USP28: variants seen among roughly 807,000 people sequenced by gnomAD.
The protein encoded by USP28 is ubiquitin specific peptidase 28.
A neutral mutation model predicts 145.0 loss-of-function variants in USP28; 113 were observed. The observed-to-expected ratio is 0.78, with a 90% CI of 0.67 to 0.91. The LOEUF (loss-of-function observed/expected upper bound fraction) is 0.91, where lower values mean the gene tolerates loss of function less well. USP28 is among the 40% of genes least tolerant of loss of function. The pLI is 0.00. For missense variants in USP28, 1,201 were observed against 1,289.6 expected (o/e 0.93, Z 1.05); for synonymous variants, 447 against 450.9 (o/e 0.99, Z 0.11).
At chr11:113,830,892 A>G (rs377607286) in exon 9 of USP28, 34 of 1,613,988 alleles carry the variant, frequency 2.1e-5, no homozygotes, top group Admixed American at 3.3e-5. Flanking sequence ...CAGTCAGGAA[A>G]GTACCATAGA....
chr11:113,826,683 G>T (rs1356576739), intron 11 of USP28, among the ~76,000 whole-genome samples: 1 of 152,050 alleles, frequency 6.6e-6, no homozygotes, highest in South Asian at 2.1e-4. Flanking sequence ...ACTTTGGGAG[G>T]CCAAGGCAGG....
chr11:113,874,508 G>A, intron 1 of USP28: 1 of 1,286,538 alleles, frequency 7.8e-7, no homozygotes, highest in South Asian at 1.2e-5. Flanking sequence ...GGTATAAAAG[G>A]ATTCTCACCT....
chr11:113,816,714 C>T (rs1159502529), intron 13 of USP28, among the ~76,000 whole-genome samples: 6 of 152,018 alleles, frequency 3.9e-5, no homozygotes, highest in Admixed American at 3.9e-4. Flanking sequence ...ATACCAAGCA[C>T]TATTATTTTA....
rs143976162 is a variant in USP28, at chr11:113,872,598, C to G, written c.57+2847G>C. On this transcript the variant is annotated intron_variant, in intron 1 of 24. Transcript: ENST00000003302. ...AATCAGTTAATGAGACAAAAGGAAA[C>G]GAAAGGTCAATAAATCAAGAGAAAG... is the stretch of plus-strand genomic sequence containing the variant. Among the ~76,000 whole-genome samples the G allele has an allele frequency of 7.6e-4, 116 of 151,882 alleles. No individual in the cohort carries two copies. In the East Asian group the frequency reaches 0.016, roughly 20 times the overall value.
chr11:113,841,567 G>A (rs1945195932), intron 4 of USP28, 96 bp downstream of exon 4: 10 of 725,294 alleles, frequency 1.4e-5, no homozygotes, highest in Non-Finnish European at 1.8e-5. Context: ...TCATTCAGGT[G>A]CTTAACAGAA....
At position 113,852,446 on chromosome 11, in the gene USP28, T is replaced by C. The variant is rs1301235374; in HGVS notation, c.268+55A>G. 2.5e-6 allele frequency: 4 copies of C among 1,606,860 alleles called. No homozygotes were observed. In the East Asian group the frequency reaches 8.9e-5, roughly 36 times the overall value. The stretch of plus-strand genomic sequence containing the variant: ...TGACAGGGAACTCACATATACTTGG[T>C]TTGTTATTTTCTGCTAGTTCAGCAA... On this transcript the variant is annotated intron_variant, in intron 3 of 24. Coordinates refer to ENST00000003302, the Ensembl canonical transcript of USP28.
At chr11:113,826,371 C>T (rs1306490476) in intron 11 of USP28, among the ~76,000 whole-genome samples, 3 of 82,182 alleles carry the variant, frequency 3.7e-5, no homozygotes, top group Non-Finnish European at 6.5e-5. Context: ...TTTTTTGAGA[C>T]AGGGTCTCAC....
chr11:113,875,142 C>T (rs1333807650), intron 1 of USP28, among the ~76,000 whole-genome samples: 1 of 152,188 alleles, frequency 6.6e-6, no homozygotes, highest in East Asian at 1.9e-4. Context: ...CCCAGGAGGG[C>T]TCACCTTACT....
At chr11:113,874,679 A>G in intron 1 of USP28, 1 of 1,237,288 alleles carries the variant, frequency 8.1e-7, no homozygotes, top group Admixed American at 2.9e-5. Flanking sequence ...GTAACACTAG[A>G]AGACATGCTC....
In USP28 at chr11:113,874,673, C is replaced by T. The variant is rs569737116; in HGVS notation, c.57+772G>A. On this transcript the variant is annotated intron_variant, in intron 1 of 24. Coordinates refer to ENST00000003302, the Ensembl canonical transcript of USP28. Reference sequence around the variant, plus strand: ...GTTAAGTTATAACATTCCGAAGTAACACTAGAAGACATGCTCAAATTGCCC... The same window carrying T: ...GTTAAGTTATAACATTCCGAAGTAATACTAGAAGACATGCTCAAATTGCCC... The T allele has an allele frequency of 4.3e-5, 53 of 1,238,528 alleles. 1 individual carries two copies. In the South Asian group the frequency reaches 7.0e-4, roughly 16 times the overall value. The allele number at this position is 1,238,528 out of a possible 1,614,324, so 76.7% of individuals were successfully genotyped here.
intron 1 of USP28, 99 bp downstream of exon 1, chr11:113,875,346 G>A (rs1404692330): frequency 9.0e-6 from 9 of 1,004,720 alleles, no homozygotes; most frequent in Admixed American, 5.0e-5. Context: ...CGGCCGGGGC[G>A]CCCTCCGCAG....
intron 7 of USP28, 58 bp from the exon 8 acceptor site, chr11:113,832,051 T>G: frequency 1.5e-6 from 2 of 1,369,766 alleles, no homozygotes; most frequent in Non-Finnish European, 2.1e-6. Flanking sequence ...GAAATTAAAA[T>G]TTATCCTTAT....
rs987756499 is a variant in USP28, at chr11:113,812,207, C to G, written c.1972+69G>C. The G allele has an allele frequency of 7.5e-6, 9 of 1,207,536 alleles. No individual in the cohort carries two copies. In the South Asian group the frequency reaches 1.1e-4, roughly 14 times the overall value. 74.8% of individuals were successfully genotyped at this position (1,207,536 alleles called of 1,614,324 possible). On this transcript the variant is annotated intron_variant, in intron 16 of 24. Coordinates refer to ENST00000003302, the Ensembl canonical transcript of USP28. ...GTTGTAAATTTTTTAAAAAGCAGTA[C>G]AAGACTGTTCTTCTCCCTGAGCAGT... is the stretch of plus-strand genomic sequence containing the variant.
At chr11:113,815,031 G>C (rs1317576266) in intron 14 of USP28, 143 bp downstream of exon 14, 2 of 757,496 alleles carry the variant, frequency 2.6e-6, no homozygotes, top group Non-Finnish European at 4.2e-6. Flanking sequence ...CAGCCTGGGT[G>C]ATAGAGTGAG....
chr11:113,870,660 T>A (rs1948725212), intron 1 of USP28, among the ~76,000 whole-genome samples: 1 of 152,218 alleles, frequency 6.6e-6, no homozygotes, highest in Admixed American at 6.5e-5. Flanking sequence ...CCCAGACTGG[T>A]CCACACGGCC....
At chr11:113,845,776 T>C (rs1945766538) in intron 3 of USP28, among the ~76,000 whole-genome samples, 1 of 152,192 alleles carries the variant, frequency 6.6e-6, no homozygotes, top group Admixed American at 6.5e-5. Context: ...GGATTCACCA[T>C]ATTGCCCTGG....
intron 5 of USP28, among the ~76,000 whole-genome samples, chr11:113,835,983 C>G (rs1236415761): frequency 6.6e-6 from 1 of 152,082 alleles, no homozygotes; most frequent in Non-Finnish European, 1.5e-5. Context: ...GAGGCTGAGG[C>G]AGGAGAATCG....
At chr11:113,804,918 T>C in exon 20 of USP28, 2 of 1,614,224 alleles carry the variant, frequency 1.2e-6, no homozygotes, top group Non-Finnish European at 1.7e-6. Context: ...GAAGGGTTCG[T>C]TCTACTACCC....
intron 17 of USP28, 108 bp from the exon 18 acceptor site, chr11:113,808,545 A>C: frequency 8.5e-7 from 1 of 1,180,960 alleles, no homozygotes; most frequent in East Asian, 2.5e-5. Context: ...CCCTGTTAAC[A>C]CAGCTTTTTA....
Sources: gnomAD v4.1 joint callset for allele counts (sites outside exome capture counted in the v4.1 genomes callset) on GRCh38, gnomAD v4.1.1 for gene constraint, MANE v1.5 for transcripts, NCBI Gene and HGNC (gene_info 2026-07-23, HGNC 2026-07-21) for gene names.